The following ORC2 variants were observed in gnomAD, a reference collection of about 807,000 sequenced individuals.
ORC2 encodes the protein origin recognition complex protein 2 homolog.
In ORC2, 37 loss-of-function variants were observed where a neutral mutation model predicts 77.7. The observed-to-expected ratio is 0.48, with a 90% confidence interval of 0.37 to 0.63. ORC2 has a LOEUF of 0.63. Among genes scored for constraint, ORC2 ranks in the 20% least tolerant of loss-of-function variants. The pLI is 0.00. For missense variants in ORC2, 557 were observed against 661.9 expected, an observed-to-expected ratio of 0.84 and a Z score of 1.74; for synonymous variants, 201 against 229.5, an observed-to-expected ratio of 0.88 and a Z score of 1.12.
rs1249521141 is a variant in ORC2 at position 200,935,727 on chromosome 2, G to A, written c.680C>T (p.Pro227Leu). 1.2e-6 allele frequency: 2 copies of A among 1,611,940 alleles called. No individual in the cohort carries two copies. The highest frequency in any genetic ancestry group is 3.4e-5 in the Admixed American group (2 of 59,624). The change falls in exon 9 of 18, where the codon CCT (proline) becomes CTT (leucine). Residue 227 changes from proline to leucine, a missense_variant. By Grantham distance (98) the Pro-to-Leu change is moderately conservative (BLOSUM62 -3). Transcript: ENST00000234296. ...TTTATCTCTTTTCATTCTCTTAGAA[G>A]GTGTTTCTTTGCCAACAGGAGCTGA... ...VVSAPVGKET[P>L]SKRMKRDKTS...
intron 4 of ORC2, among the ~76,000 whole-genome samples, 178 bp from the exon 5 acceptor site, chr2:200,949,821 T>C (rs1337962360): frequency 6.6e-6 from 1 of 152,166 alleles, no homozygotes; most frequent in Non-Finnish European, 1.5e-5. Context: ...AAACTGTTTA[T>C]ATAAGTTTTA....
At chr2:200,912,892 C>G (rs964786460) in intron 17 of ORC2, among the ~76,000 whole-genome samples, 5 of 152,214 alleles carry the variant, frequency 3.3e-5, no homozygotes, top group Non-Finnish European at 7.3e-5. Flanking sequence ...TCCATCTCCC[C>G]CATTAGACTT....
rs963694554 is a variant in ORC2 at position 200,909,156 on chromosome 2, G to A, written c.*2145C>T. ...TAGATATATTAAGCAAAAAAAGCAA[G>A]GTGCAAACCAGCAAGTATGATATAT... On this transcript the variant is annotated 3_prime_UTR_variant, in exon 18 of 18. Transcript: ENST00000234296. 3.3e-5 allele frequency: 5 copies of A among 152,054 alleles called. No homozygotes were observed. The highest frequency in any genetic ancestry group is 3.3e-4 in the Admixed American group (5 of 15,246). 9.4% of individuals were successfully genotyped at this position (152,054 alleles called of 1,614,324 possible).
intron 5 of ORC2, among the ~76,000 whole-genome samples, chr2:200,947,632 A>C (rs2041273336): frequency 6.6e-6 from 1 of 152,184 alleles, no homozygotes; most frequent in African/African-American, 2.4e-5. Context: ...ATATACCTTT[A>C]TAATTTTCAA....
chr2:200,963,588 G>A lies in ORC2; in HGVS notation c.-158C>T, dbSNP rs2041623943. On this transcript the variant is annotated 5_prime_UTR_variant, in exon 1 of 18. Coordinates refer to ENST00000234296, the MANE Select transcript of ORC2 (RefSeq NM_006190.5). ...AGGGAAGGTACCTTCGGCCCCAACG[G>A]GAAAAGCCAATTTCCAGTAATTCGC... is the stretch of plus-strand genomic sequence containing the variant. The A allele has an allele frequency of 5.0e-6, 2 of 398,548 alleles. No homozygotes were observed. Among genetic ancestry groups the A allele is most frequent in the Non-Finnish European group, 8.8e-6 (2 of 225,992 alleles). The allele number at this position is 398,548 out of a possible 1,614,324, so 24.7% of individuals were successfully genotyped here.
rs775344046 is a variant in ORC2 at position 200,931,425 on chromosome 2, G to A, written c.831C>T (p.Ser277=). The part of the protein sequence containing the change: ...LDQQTLRNLL[S]KVSPSFSAEL... ...CGGCAGAAAAGGAAGGGGAAACCTT[G>A]CTCAATAAGTTACGCAAAGTTTGCT... is the stretch of plus-strand genomic sequence containing the variant. Residue 277 remains serine (S), a synonymous_variant, in exon 11 of 18, where the codon AGC becomes AGT. Coordinates refer to ENST00000234296, the MANE Select transcript of ORC2 (RefSeq NM_006190.5). 3.2e-6 allele frequency: 5 copies of A among 1,550,622 alleles called. No homozygotes were observed. The highest frequency in any genetic ancestry group is 4.3e-6 in the Non-Finnish European group (5 of 1,154,082).
At chr2:200,951,891 ATCTTT>A (rs1370936931) in intron 4 of ORC2, among the ~76,000 whole-genome samples, 1 of 152,154 alleles carries the variant, frequency 6.6e-6, no homozygotes. Flanking sequence ...GAATTTGTCA[ATCTTT>A]TCTTTTGATT....
chr2:200,947,116 G>A (rs2041264611), intron 5 of ORC2, among the ~76,000 whole-genome samples: 1 of 151,838 alleles, frequency 6.6e-6, no homozygotes, highest in South Asian at 2.1e-4. Context: ...TGGCCAGGCT[G>A]GTCTTGAACT....
At position 200,935,905 on chromosome 2, in the gene ORC2, A is replaced by G. The variant is rs78156497; in HGVS notation, c.515-13T>C. 2,279 of 1,607,700 alleles carry G rather than the reference A, an allele frequency of 1.4e-3. 33 individuals are homozygous for G. In the African/African-American group the frequency reaches 0.028, roughly 20 times the overall value. On this transcript the variant is annotated splice_polypyrimidine_tract_variant and intron_variant, in intron 8 of 17. Coordinates refer to ENST00000234296, the MANE Select transcript of ORC2 (RefSeq NM_006190.5). The stretch of plus-strand genomic sequence containing the variant: ...TGAGACCTTGGAACTGTGGGGGGAA[A>G]AATAGCAATTTGGACAATTTCATGG...
chr2:200,958,871 G>A (rs2041520311), intron 2 of ORC2, among the ~76,000 whole-genome samples: 1 of 152,106 alleles, frequency 6.6e-6, no homozygotes, highest in Non-Finnish European at 1.5e-5. Flanking sequence ...AACTAATGAT[G>A]ATTTTAACTG....
chr2:200,934,493 GTTTT>G (rs1553496781), intron 9 of ORC2, among the ~76,000 whole-genome samples: 1 of 123,532 alleles, frequency 8.1e-6, no homozygotes, highest in Non-Finnish European at 1.8e-5. Context: ...TTTTTAAATT[GTTTT>G]TTTTTTTTTT....
intron 17 of ORC2, among the ~76,000 whole-genome samples, chr2:200,912,941 A>G (rs777680059): frequency 3.3e-5 from 5 of 152,228 alleles, no homozygotes; most frequent in Non-Finnish European, 5.9e-5. Flanking sequence ...TTTGCTTACT[A>G]CTGTATCCTA....
chr2:200,948,964 C>T (rs1419612189), intron 5 of ORC2, among the ~76,000 whole-genome samples: 1 of 151,924 alleles, frequency 6.6e-6, no homozygotes, highest in Non-Finnish European at 1.5e-5. Context: ...TATGGCCGGG[C>T]ATGGTGACTC....
At chr2:200,917,098 G>A (rs539769352) in intron 15 of ORC2, among the ~76,000 whole-genome samples, 6 of 150,378 alleles carry the variant, frequency 4.0e-5, no homozygotes, top group South Asian at 2.1e-4. Context: ...GGGTTCAAGC[G>A]ATTCTCCCTC....
chr2:200,915,926 G>A (rs576453406), intron 15 of ORC2, among the ~76,000 whole-genome samples: 5 of 152,066 alleles, frequency 3.3e-5, no homozygotes, highest in East Asian at 1.9e-4. Flanking sequence ...AACTCCTGGC[G>A]TCAAGTGATC....
At chr2:200,938,053 T>C in intron 7 of ORC2, 87 bp from the exon 8 acceptor site, 1 of 920,102 alleles carries the variant, frequency 1.1e-6, no homozygotes, top group African/African-American at 1.7e-5. Context: ...AAGAAAAATA[T>C]TTTGCTTTCA....
chr2:200,910,987 T>C lies in ORC2; in HGVS notation c.*314A>G. On this transcript the variant is annotated 3_prime_UTR_variant, in exon 18 of 18. Transcript: ENST00000234296. ...GCCCTCAAAAAATTCAGAATATCTC[T>C]AAGTATAAAATAATTCAAAAACATC... 5.0e-6 allele frequency: 1 copy of C among 200,628 alleles called. No homozygotes were observed. The highest frequency in any genetic ancestry group is 1.0e-5 in the Non-Finnish European group (1 of 97,848). The allele number at this position is 200,628 out of a possible 1,614,324, so 12.4% of individuals were successfully genotyped here.
chr2:200,960,745 T>C (rs992830732), intron 1 of ORC2, among the ~76,000 whole-genome samples: 4 of 152,182 alleles, frequency 2.6e-5, no homozygotes, highest in African/African-American at 9.7e-5. Flanking sequence ...TATAAATCTA[T>C]TAGGGTTGAA....
chr2:200,911,759 T>C (rs1285513360), intron 17 of ORC2, among the ~76,000 whole-genome samples: 1 of 152,174 alleles, frequency 6.6e-6, no homozygotes, highest in Non-Finnish European at 1.5e-5. Context: ...CATTCAAGTG[T>C]GTCCAATTTT....
Sources: allele counts gnomAD v4.1 joint callset (sites outside exome capture counted in the v4.1 genomes callset), GRCh38; gene constraint gnomAD v4.1.1; transcripts MANE v1.5; gene names NCBI Gene and HGNC (gene_info 2026-07-23, HGNC 2026-07-21).